ASCC3: variants seen among roughly 807,000 people sequenced by gnomAD.
ASCC3 encodes the protein activating signal cointegrator 1 complex subunit 3.
In ASCC3, 158 loss-of-function variants were observed where a neutral mutation model predicts 256.3. The observed-to-expected ratio is 0.62, with a 90% CI of 0.54 to 0.70. ASCC3 has a LOEUF of 0.70. Ranked by LOEUF, ASCC3 falls within the 30% of genes least tolerant of loss-of-function variation. The pLI is 0.00. For synonymous variants in ASCC3, 948 were observed against 883.4 expected (o/e 1.07, Z -1.30); for missense variants, 2,259 against 2,626.0 (o/e 0.86, Z 3.05).
chr6:100,536,105 A>G (rs2114654593), intron 37 of ASCC3, among the ~76,000 whole-genome samples: 1 of 152,334 alleles, frequency 6.6e-6, no homozygotes, highest in East Asian at 1.9e-4. Context: ...AGAACTGTAA[A>G]CAACTACTGC....
intron 34 of ASCC3, among the ~76,000 whole-genome samples, chr6:100,592,526 T>C (rs1298249507): frequency 6.6e-6 from 1 of 152,078 alleles, no homozygotes; most frequent in Non-Finnish European, 1.5e-5. Flanking sequence ...TATAAAATAA[T>C]TTAAATGTAA....
chr6:100,848,039 C>T, intron 4 of ASCC3, 109 bp downstream of exon 4: 1 of 1,104,520 alleles, frequency 9.1e-7, no homozygotes, highest in Non-Finnish European at 1.3e-6. Context: ...GATTCAACTA[C>T]TATACAGAAC....
At chr6:100,800,759 A>G (rs909891763) in intron 5 of ASCC3, among the ~76,000 whole-genome samples, 5 of 151,888 alleles carry the variant, frequency 3.3e-5, no homozygotes, top group African/African-American at 1.2e-4. Flanking sequence ...CACTGACATT[A>G]TAAATTCTTA....
At chr6:100,616,326 T>C (rs1463099617) in intron 30 of ASCC3, among the ~76,000 whole-genome samples, 1 of 152,226 alleles carries the variant, frequency 6.6e-6, no homozygotes, top group African/African-American at 2.4e-5. Flanking sequence ...AAAAACACTT[T>C]AGTATTAAGC....
intron 14 of ASCC3, among the ~76,000 whole-genome samples, chr6:100,674,477 AT>A (rs1355341172): frequency 2.6e-5 from 4 of 151,888 alleles, no homozygotes; most frequent in African/African-American, 9.7e-5. Context: ...ATTCAATATT[AT>A]TTTTTATTGT....
At chr6:100,582,045 C>T (rs1771310972) in intron 36 of ASCC3, among the ~76,000 whole-genome samples, 1 of 151,922 alleles carries the variant, frequency 6.6e-6, no homozygotes, top group Admixed American at 6.6e-5. Flanking sequence ...GTTCTTTTGG[C>T]TTAGGATTGA....
At chr6:100,781,033 A>G (rs1381892837) in intron 8 of ASCC3, among the ~76,000 whole-genome samples, 2 of 152,210 alleles carry the variant, frequency 1.3e-5, no homozygotes, top group South Asian at 2.1e-4. Flanking sequence ...ATGATTTTCA[A>G]CTTCATCTCT....
chr6:100,708,655 G>T (rs553863494), intron 13 of ASCC3, among the ~76,000 whole-genome samples: 72 of 152,072 alleles, frequency 4.7e-4, no homozygotes, highest in Non-Finnish European at 1.0e-3. Flanking sequence ...ACAACTTACA[G>T]TACACAGGAC....
intron 37 of ASCC3, among the ~76,000 whole-genome samples, chr6:100,529,909 C>A (rs527535673): frequency 6.6e-6 from 1 of 151,584 alleles, no homozygotes; most frequent in South Asian, 2.1e-4. Flanking sequence ...GGGCCTGATA[C>A]GAAGAAAGCC....
intron 34 of ASCC3, among the ~76,000 whole-genome samples, chr6:100,600,264 C>G (rs1410093734): frequency 6.6e-6 from 1 of 151,526 alleles, no homozygotes; most frequent in African/African-American, 2.4e-5. Context: ...GTCAGAAAAC[C>G]TGACTTCGTA....
rs1450387804 is a variant in ASCC3 at position 100,715,514 on chromosome 6, A to G, written c.2099T>C (p.Met700Thr). The change falls in exon 13 of 42, where the codon ATG becomes ACG. Residue 700 changes from methionine (M) to threonine (T), a missense_variant. Transcript: ENST00000369162. ...CANKMQQLNN[M>T]DEVCYENVLK... is the part of the protein sequence containing the mutation. ...AACATTTTCATAACATACTTCATCC[A>G]TGTTATTCAACTGCTGCATCTTGAA... is the stretch of plus-strand genomic sequence containing the variant. The G allele has an allele frequency of 1.2e-6, 2 of 1,610,812 alleles. No individual in the cohort carries two copies. The highest frequency in any genetic ancestry group is 8.5e-7 in the Non-Finnish European group (1 of 1,177,966).
chr6:100,767,085 A>T (rs1289420208), intron 9 of ASCC3, 60 bp downstream of exon 9: 11 of 1,536,672 alleles, frequency 7.2e-6, no homozygotes, highest in Non-Finnish European at 9.9e-6. Flanking sequence ...TAATATTAAA[A>T]CTGCAAATTT....
At chr6:100,617,573 T>A (rs1359175091) in intron 30 of ASCC3, among the ~76,000 whole-genome samples, 1 of 152,166 alleles carries the variant, frequency 6.6e-6, no homozygotes, top group Non-Finnish European at 1.5e-5. Flanking sequence ...CCCCCCTCAT[T>A]TGCTCCTCAG....
intron 1 of ASCC3, among the ~76,000 whole-genome samples, chr6:100,873,122 T>C (rs1322353246): frequency 1.5e-5 from 1 of 67,582 alleles, no homozygotes; most frequent in Non-Finnish European, 3.3e-5. Flanking sequence ...AAAGCCCAAT[T>C]TATGGAAATT....
intron 19 of ASCC3, 144 bp from the exon 20 acceptor site, chr6:100,650,858 A>C (rs1012129082): frequency 6.6e-5 from 46 of 695,610 alleles, no homozygotes; most frequent in Non-Finnish European, 9.3e-5. Context: ...AATAACAATG[A>C]TTTTTCCATA....
In ASCC3 at chr6:100,718,191, G is replaced by A. The variant is rs2115025630; in HGVS notation, c.1963C>T (p.Leu655Phe). The A allele has an allele frequency of 1.2e-6, 2 of 1,613,424 alleles. No homozygotes were observed. Among genetic ancestry groups the A allele is most frequent in the Non-Finnish European group, 1.7e-6 (2 of 1,179,566 alleles). Residue 655 changes from leucine (L) to phenylalanine (F), a missense_variant, in exon 12 of 42, where the codon CTC becomes TTC. Transcript: ENST00000369162. Reference protein sequence around the residue: ...LGLSATLPNYLDVATFLHVNP... With the variant: ...LGLSATLPNYFDVATFLHVNP... ...ACATGTAAAAATGTGGCAACATCGAGGTAGTTAGGTAAAGTTGCAGACAGT... is the reference window on the plus strand; with the variant it reads ...ACATGTAAAAATGTGGCAACATCGAAGTAGTTAGGTAAAGTTGCAGACAGT...
chr6:100,748,152 C>T (rs975502347), intron 10 of ASCC3, among the ~76,000 whole-genome samples: 5 of 151,898 alleles, frequency 3.3e-5, no homozygotes, highest in Non-Finnish European at 7.4e-5. Context: ...CAAGTAAGTA[C>T]CACTCATGTT....
At chr6:100,583,070 A>C (rs541927167) in intron 36 of ASCC3, among the ~76,000 whole-genome samples, 9 of 152,298 alleles carry the variant, frequency 5.9e-5, no homozygotes, top group South Asian at 2.1e-4. Context: ...TGGCTCTGCC[A>C]GGCTTTGGTA....
Position 100,655,818 on chromosome 6 carries a change from T to C in ASCC3, c.2704A>G (p.Ile902Val). The change falls in exon 17 of 42, where the codon ATT (isoleucine) becomes GTT (valine). Residue 902 changes from isoleucine (I) to valine (V), a missense_variant and splice_region_variant. This residue lies in a region of ASCC3 where 1,839 missense variants were observed against 2,206.7 expected (regional missense o/e 0.83). Transcript: ENST00000369162. ...ACATTAGTAACTGTTCCCAGAGCAA[T>C]CTGCAAATCAAAAAGATGACAGAAA... ...ESLADNLNAE[I>V]ALGTVTNVEE... 1 of 1,610,776 alleles carries C rather than the reference T, an allele frequency of 6.2e-7. No homozygotes were observed. Among genetic ancestry groups the C allele is most frequent in the Non-Finnish European group, 8.5e-7 (1 of 1,178,824 alleles).
Sources: allele counts gnomAD v4.1 joint callset (sites outside exome capture counted in the v4.1 genomes callset), GRCh38; gene constraint gnomAD v4.1.1; regional missense constraint gnomAD v4.1.1; transcripts MANE v1.5; gene names NCBI Gene and HGNC (gene_info 2026-07-23, HGNC 2026-07-21).